The following STX18 variants were observed in gnomAD, a reference collection of about 807,000 sequenced individuals.
The protein encoded by STX18 is syntaxin-18.
Under a neutral mutation model 50.1 loss-of-function variants are expected in STX18, and 40 were observed. That is an observed-to-expected ratio of 0.80 (90% CI 0.62 to 1.04). The LOEUF (loss-of-function observed/expected upper bound fraction) is 1.04. Ranked by LOEUF, STX18 falls within the 50% of genes least tolerant of loss-of-function variation. STX18 has a pLI of 0.00. For synonymous variants in STX18, 158 were observed against 151.8 expected (o/e 1.04, Z -0.30); for missense variants, 410 against 415.8 (o/e 0.99, Z 0.12).
chr4:4,492,994 G>A (rs548737733), intron 1 of STX18, among the ~76,000 whole-genome samples: 4 of 152,158 alleles, frequency 2.6e-5, no homozygotes, highest in South Asian at 4.1e-4. Context: ...AATTTTAAAA[G>A]TTATTCACAT....
chr4:4,537,655 C>A (rs1361352364), intron 1 of STX18, among the ~76,000 whole-genome samples: 4 of 152,204 alleles, frequency 2.6e-5, no homozygotes, highest in African/African-American at 9.7e-5. Context: ...GTTACTATTA[C>A]TTGCAAACAA....
chr4:4,457,287 A>G (rs1727131340), intron 4 of STX18, 30 bp from the exon 5 acceptor site: 1 of 1,603,830 alleles, frequency 6.2e-7, no homozygotes, highest in African/African-American at 1.3e-5. Context: ...CAGAAGAGAG[A>G]CTGCTTAAAA....
chr4:4,506,048 T>C (rs975821572), intron 1 of STX18, among the ~76,000 whole-genome samples: 3 of 152,252 alleles, frequency 2.0e-5, no homozygotes, highest in African/African-American at 4.8e-5. Flanking sequence ...ATATACATTT[T>C]ATTTATCCAT....
At chr4:4,503,653 A>G (rs1729563640) in intron 1 of STX18, among the ~76,000 whole-genome samples, 1 of 152,158 alleles carries the variant, frequency 6.6e-6, no homozygotes, top group African/African-American at 2.4e-5. Context: ...TTCCCCAAAA[A>G]TTACTGAAAT....
At chr4:4,446,555 G>C (rs1230976677) in intron 5 of STX18, among the ~76,000 whole-genome samples, 8 of 152,182 alleles carry the variant, frequency 5.3e-5, no homozygotes, top group Admixed American at 4.6e-4. Flanking sequence ...ACATGAAAAG[G>C]TGATTAACAA....
chr4:4,529,567 G>A (rs1186210219), intron 1 of STX18, among the ~76,000 whole-genome samples: 1 of 151,936 alleles, frequency 6.6e-6, no homozygotes, highest in Non-Finnish European at 1.5e-5. Context: ...ATGCCAAGTG[G>A]AGCACAGTTC....
rs34563523 is a variant in STX18, at chr4:4,489,391, A to ATTTTTTTTTTT, written c.169-17696_169-17686dup. On this transcript the variant is annotated intron_variant, in intron 1 of 10. Coordinates refer to ENST00000306200, the MANE Select transcript of STX18 (RefSeq NM_016930.4). ...AGCACTTCAATACACATGCAAAATA[A>ATTTTTTTTTTT]TTTTTTTTTTTTTTTTTTTTTTTTT... is the stretch of plus-strand genomic sequence containing the variant. Among the ~76,000 whole-genome samples the ATTTTTTTTTTT allele has an allele frequency of 1.4e-3, 72 of 51,674 alleles. 12 individuals carry two copies. The highest frequency in any genetic ancestry group is 2.1e-3 in the Non-Finnish European group (55 of 26,642). 33.9% of individuals were successfully genotyped at this position (51,674 alleles called of 152,430 possible).
chr4:4,451,152 T>G (rs1726730268), intron 5 of STX18, among the ~76,000 whole-genome samples: 1 of 152,256 alleles, frequency 6.6e-6, no homozygotes. Flanking sequence ...CTGATTTCTC[T>G]GACTGAAGGC....
At chr4:4,538,067 T>C (rs189685693) in intron 1 of STX18, among the ~76,000 whole-genome samples, 2 of 150,990 alleles carry the variant, frequency 1.3e-5, no homozygotes, top group Admixed American at 6.6e-5. Flanking sequence ...AGTTTTCTTA[T>C]CTATTAACAA....
chr4:4,489,196 G>A (rs956611082), intron 1 of STX18, among the ~76,000 whole-genome samples: 2 of 152,012 alleles, frequency 1.3e-5, no homozygotes, highest in African/African-American at 4.8e-5. Flanking sequence ...ATAAAATGCA[G>A]AGTATGCTGG....
At chr4:4,438,770 T>C (rs1026361730) in intron 5 of STX18, among the ~76,000 whole-genome samples, 5 of 151,964 alleles carry the variant, frequency 3.3e-5, no homozygotes, top group Non-Finnish European at 4.4e-5. Flanking sequence ...AGGGGGAGGC[T>C]GCAGTTGGTA....
At chr4:4,443,911 G>A (rs1354315591) in intron 5 of STX18, among the ~76,000 whole-genome samples, 3 of 152,238 alleles carry the variant, frequency 2.0e-5, no homozygotes, top group African/African-American at 7.2e-5. Context: ...CAGGTTTGTG[G>A]TGTTCAAATT....
chr4:4,434,248 G>A (rs1725663881), intron 7 of STX18, among the ~76,000 whole-genome samples: 1 of 152,190 alleles, frequency 6.6e-6, no homozygotes, highest in East Asian at 1.9e-4. Context: ...AGACATTGCT[G>A]GACGTGAGCT....
chr4:4,523,183 C>T (rs1021367945), intron 1 of STX18, among the ~76,000 whole-genome samples: 1 of 152,144 alleles, frequency 6.6e-6, no homozygotes, highest in Non-Finnish European at 1.5e-5. Flanking sequence ...GTGACATTAC[C>T]TCTAATCCAA....
chr4:4,534,284 A>AT (rs1731235120), intron 1 of STX18, among the ~76,000 whole-genome samples: 2 of 152,156 alleles, frequency 1.3e-5, no homozygotes, highest in African/African-American at 4.8e-5. Flanking sequence ...GGCTCCTTGG[A>AT]TCTATTCTCT....
At chr4:4,458,334 T>C (rs1340561830) in intron 3 of STX18, among the ~76,000 whole-genome samples, 1 of 152,244 alleles carries the variant, frequency 6.6e-6, no homozygotes, top group African/African-American at 2.4e-5. Context: ...GAGGGCATGA[T>C]TTCTGCCTTA....
chr4:4,495,972 G>A (rs998123835), intron 1 of STX18, among the ~76,000 whole-genome samples: 14 of 151,960 alleles, frequency 9.2e-5, no homozygotes, highest in Non-Finnish European at 1.5e-4. Context: ...TATGATTATC[G>A]GATAACGCAA....
chr4:4,537,142 A>G (rs983068102), intron 1 of STX18, among the ~76,000 whole-genome samples: 6 of 152,172 alleles, frequency 3.9e-5, no homozygotes, highest in African/African-American at 9.7e-5. Flanking sequence ...TGTAACCTTT[A>G]TAAGTCAGTA....
chr4:4,433,465 T>C lies in STX18; in HGVS notation c.702+1305A>G, dbSNP rs373412884. On this transcript the variant is annotated intron_variant, in intron 7 of 10. Transcript: ENST00000306200. ...TTATCTGCTGACCTTCCCTCCACTA[T>C]TGTCCTATGACCCTGCCAAATACCC... Among the ~76,000 whole-genome samples the C allele has an allele frequency of 4.0e-5, 6 of 150,648 alleles. No homozygotes were observed. The East Asian group carries it at 1.2e-3, about 29-fold the overall frequency.
Sources: gnomAD v4.1 joint callset for allele counts (sites outside exome capture counted in the v4.1 genomes callset) on GRCh38, gnomAD v4.1.1 for gene constraint, MANE v1.5 for transcripts, NCBI Gene and HGNC (gene_info 2026-07-23, HGNC 2026-07-21) for gene names.